DNHD1: variants seen among roughly 807,000 people sequenced by gnomAD.
The protein encoded by DNHD1 is dynein heavy chain domain-containing protein 1.
In DNHD1, 383 loss-of-function variants were observed where a neutral mutation model predicts 458.1. The ratio of observed to expected loss-of-function variants is 0.84; its 90% confidence interval spans 0.77 to 0.91. The LOEUF is 0.91. Among genes scored for constraint, DNHD1 ranks in the 40% least tolerant of loss-of-function variants. The pLI is 0.00. For synonymous variants in DNHD1, 2,203 were observed against 2,376.9 expected, an observed-to-expected ratio of 0.93 and a Z score of 2.13; for missense variants, 5,336 against 5,866.1, an observed-to-expected ratio of 0.91 and a Z score of 2.95.
chr11:6,526,252 GT>G (rs1460657203), intron 10 of DNHD1, among the ~76,000 whole-genome samples: 2 of 151,894 alleles, frequency 1.3e-5, no homozygotes, highest in Non-Finnish European at 2.9e-5. Context: ...TTATGAAATT[GT>G]TTTTTCTTTC....
Position 6,502,203 on chromosome 11 carries a change from T to C in DNHD1, c.747-550T>C, listed in dbSNP as rs59947660. Among the ~76,000 whole-genome samples, 1,147 of 152,188 alleles carry C rather than the reference T, an allele frequency of 7.5e-3. 15 individuals are homozygous for C. Among genetic ancestry groups the C allele is most frequent in the African/African-American group, 0.027 (1,109 of 41,500 alleles). ...TGGTGCAGGCTTGAGGGGGCCACCA[T>C]TGGATCTTGGCAGGAAAGGAAAGAA... On this transcript the variant is annotated intron_variant, in intron 3 of 42. Transcript: ENST00000254579.
chr11:6,561,312 CA>C (rs2134451385), intron 28 of DNHD1, among the ~76,000 whole-genome samples: 1 of 152,202 alleles, frequency 6.6e-6, no homozygotes, highest in East Asian at 1.9e-4. Flanking sequence ...TCTGTAGTTC[CA>C]GCTACTCAGG....
chr11:6,559,656 A>G (rs1028639863), intron 28 of DNHD1, among the ~76,000 whole-genome samples: 2 of 152,172 alleles, frequency 1.3e-5, no homozygotes, highest in Admixed American at 1.3e-4. Context: ...TTTTTCCATA[A>G]CACTTTGTCC....
chr11:6,547,444 C>A lies in DNHD1; in HGVS notation c.6505C>A (p.Arg2169Ser). 1 of 1,551,632 alleles carries A rather than the reference C, an allele frequency of 6.4e-7. No homozygotes were observed. Among genetic ancestry groups the A allele is most frequent in the Non-Finnish European group, 8.7e-7 (1 of 1,146,918 alleles). The change falls in exon 21 of 43, where the codon CGC (arginine) becomes AGC (serine). Residue 2169 changes from arginine to serine, a missense_variant. Coordinates refer to ENST00000254579, the MANE Select transcript of DNHD1 (RefSeq NM_144666.3). ...GATGGCATCCCTTCCTTATGAGTAC[C>A]GCCTGCAGCACCGGACAGTCGCTGA... ...ALMASLPYEY[R>S]LQHRTVAELN...
intron 10 of DNHD1, among the ~76,000 whole-genome samples, chr11:6,524,489 C>T (rs563390713): frequency 6.6e-5 from 10 of 152,160 alleles, no homozygotes; most frequent in African/African-American, 1.9e-4. Context: ...TTTATGACAC[C>T]GACTCCATCC....
intron 41 of DNHD1, 39 bp downstream of exon 41, chr11:6,570,435 A>C (rs1422773791): frequency 6.4e-7 from 1 of 1,563,718 alleles, no homozygotes; most frequent in Non-Finnish European, 8.7e-7. Context: ...GGTAGGGAAT[A>C]GTGCAATGCA....
At chr11:6,507,701 GC>G (rs199541840) in intron 4 of DNHD1, among the ~76,000 whole-genome samples, 5,417 of 152,210 alleles carry the variant, frequency 0.036, 312 homozygotes, top group African/African-American at 0.12. Context: ...ACTGTGGGAA[GC>G]TAAATGGCCC....
chr11:6,501,755 C>G (rs1006972285), intron 3 of DNHD1, among the ~76,000 whole-genome samples: 6 of 151,990 alleles, frequency 3.9e-5, no homozygotes, highest in Non-Finnish European at 8.8e-5. Context: ...ACCAGGAACC[C>G]GTAGAGGAGC....
chr11:6,503,182 TTTTTATTCTATCCTA>T (rs1852171426), intron 4 of DNHD1: 2 of 440,390 alleles, frequency 4.5e-6, no homozygotes, highest in African/African-American at 2.1e-5. Flanking sequence ...TGCTCTTTCT[TTTTTATTCTATCCTA>T]GAATGATAGA....
chr11:6,524,602 G>A (rs1852671998), intron 10 of DNHD1, among the ~76,000 whole-genome samples: 1 of 152,208 alleles, frequency 6.6e-6, no homozygotes, highest in African/African-American at 2.4e-5. Context: ...TAGATTGCAT[G>A]CTTTATTCAT....
chr11:6,563,994 T>G lies in DNHD1; in HGVS notation c.10154T>G (p.Val3385Gly). Reference protein sequence around the residue: ...LEHNLALAKMVEDAQASHNCV... With the variant: ...LEHNLALAKMGEDAQASHNCV... Reference sequence around the variant, plus strand: ...CATAATTTGGCCCTGGCTAAGATGGTGGAGGATGCCCAAGCTTCCCACAAC... The same window carrying G: ...CATAATTTGGCCCTGGCTAAGATGGGGGAGGATGCCCAAGCTTCCCACAAC... Residue 3385 changes from valine (V) to glycine (G), a missense_variant, in exon 31 of 43, where the codon GTG (valine) becomes GGG (glycine). Coordinates refer to ENST00000254579, the MANE Select transcript of DNHD1 (RefSeq NM_144666.3). 1.3e-6 allele frequency: 2 copies of G among 1,551,736 alleles called. No individual in the cohort carries two copies. Among genetic ancestry groups the G allele is most frequent in the Non-Finnish European group, 1.7e-6 (2 of 1,147,002 alleles).
intron 10 of DNHD1, among the ~76,000 whole-genome samples, chr11:6,521,290 A>T (rs1159027055): frequency 6.6e-6 from 1 of 152,258 alleles, no homozygotes; most frequent in African/African-American, 2.4e-5. Flanking sequence ...TATGTAGATA[A>T]ATCAGACATT....
intron 14 of DNHD1, among the ~76,000 whole-genome samples, chr11:6,537,887 C>T (rs1046740933): frequency 9.9e-5 from 15 of 151,956 alleles, no homozygotes; most frequent in Non-Finnish European, 1.6e-4. Context: ...GCCGAGATCA[C>T]GCCACTGCAC....
At chr11:6,504,728 C>T (rs1852196851) in intron 4 of DNHD1, among the ~76,000 whole-genome samples, 1 of 152,234 alleles carries the variant, frequency 6.6e-6, no homozygotes, top group Admixed American at 6.5e-5. Context: ...GGATTACAGG[C>T]ATGAGCCAAC....
chr11:6,506,167 A>G (rs917899967), intron 4 of DNHD1, among the ~76,000 whole-genome samples: 3 of 152,206 alleles, frequency 2.0e-5, no homozygotes, highest in South Asian at 2.1e-4. Context: ...ATTCCTCTCA[A>G]TATAAAGGTA....
At chr11:6,533,660 C>A (rs1376400582) in intron 13 of DNHD1, 21 bp from the exon 14 acceptor site, 14 of 1,531,448 alleles carry the variant, frequency 9.1e-6, no homozygotes, top group Non-Finnish European at 1.1e-5. Context: ...GGCTGCCGGT[C>A]TCATGCTGTA....
intron 28 of DNHD1, among the ~76,000 whole-genome samples, chr11:6,562,207 G>C (rs1853600986): frequency 6.6e-6 from 1 of 152,130 alleles, no homozygotes; most frequent in South Asian, 2.1e-4. Context: ...TCAGGAGATG[G>C]AGCCAAGGGT....
At chr11:6,512,211 C>CTTTTTTTTTTTTTT (rs11287049) in intron 7 of DNHD1, among the ~76,000 whole-genome samples, 11 of 91,624 alleles carry the variant, frequency 1.2e-4, no homozygotes, top group African/African-American at 4.7e-4. Flanking sequence ...CTTTTTCTTT[C>CTTTTTTTTTTTTTT]TTTTTTTTTT....
rs1852205881 is a variant in DNHD1 at position 6,505,133 on chromosome 11, A to G, written c.920+2207A>G. ...GACGTGAGCCATTGCACCCGGCCCC[A>G]TTCAGAGTTCTGAGTCTCAACTCTG... On this transcript the variant is annotated intron_variant, in intron 4 of 42. Coordinates refer to ENST00000254579, the MANE Select transcript of DNHD1 (RefSeq NM_144666.3). This position sits in a 1 kb window ranked among gnomAD's most constrained non-coding sequence, Gnocchi z 4.4. Among the ~76,000 whole-genome samples, 1 of 151,486 alleles carries G rather than the reference A, an allele frequency of 6.6e-6. No homozygotes were observed. Among genetic ancestry groups the G allele is most frequent in the Non-Finnish European group, 1.5e-5 (1 of 67,858 alleles).
Sources: gnomAD v4.1 joint callset for allele counts (sites outside exome capture counted in the v4.1 genomes callset) on GRCh38, gnomAD v4.1.1 for gene constraint, Gnocchi (gnomAD v3.1) non-coding constraint, MANE v1.5 for transcripts, NCBI Gene and HGNC (gene_info 2026-07-23, HGNC 2026-07-21) for gene names.